Variants in EVA1A observed in about 807,000 individuals in gnomAD.
EVA1A encodes the protein eva-1 homolog A, regulator of programmed cell death, also known as protein eva-1 homolog A.
In EVA1A, 7 loss-of-function variants were observed where a neutral mutation model predicts 9.8. The ratio of observed to expected loss-of-function variants is 0.71; its 90% CI spans 0.41 to 1.34. EVA1A has a LOEUF of 1.34. EVA1A is among the 40% of genes most tolerant of loss of function. EVA1A has a pLI of 0.01. For synonymous variants in EVA1A, 90 were observed against 85.6 expected, an observed-to-expected ratio of 1.05 and a Z score of -0.28; for missense variants, 206 against 205.9, an observed-to-expected ratio of 1.00 and a Z score of 0.00.
chr2:75,549,016 T>A (rs1405549699), intron 1 of EVA1A, among the ~76,000 whole-genome samples: 31 of 145,934 alleles, frequency 2.1e-4, no homozygotes, highest in Middle Eastern at 3.6e-3. Context: ...ATATTTTTTT[T>A]TTTTTTACTA....
chr2:75,547,470 T>C (rs568630941), intron 1 of EVA1A, among the ~76,000 whole-genome samples: 40 of 152,334 alleles, frequency 2.6e-4, no homozygotes, highest in African/African-American at 9.1e-4. Context: ...AACAAGGAGA[T>C]AATCTATGTA....
chr2:75,520,621 G>A (rs1675200007), intron 2 of EVA1A, among the ~76,000 whole-genome samples: 2 of 152,164 alleles, frequency 1.3e-5, no homozygotes, highest in African/African-American at 2.4e-5. Context: ...AGCAAACGGT[G>A]TTGGAAAAAC....
chr2:75,527,674 T>G (rs1406253415), intron 1 of EVA1A, among the ~76,000 whole-genome samples: 1 of 151,890 alleles, frequency 6.6e-6, no homozygotes, highest in African/African-American at 2.4e-5. Context: ...TTAAAACAAA[T>G]AAAGAAATTA....
chr2:75,502,106 A>G (rs1287008515), intron 3 of EVA1A, among the ~76,000 whole-genome samples: 3 of 152,210 alleles, frequency 2.0e-5, no homozygotes, highest in Admixed American at 6.5e-5. Flanking sequence ...TTGTGTTAGT[A>G]GAAGTGTGTA....
intron 1 of EVA1A, among the ~76,000 whole-genome samples, chr2:75,559,396 A>C (rs1181188428): frequency 6.6e-6 from 1 of 152,234 alleles, no homozygotes; most frequent in African/African-American, 2.4e-5. Context: ...AGAAAGGTAC[A>C]GGAAGGCCCC....
chr2:75,518,712 G>A (rs1396915436), intron 2 of EVA1A: 71 of 986,692 alleles, frequency 7.2e-5, no homozygotes, highest in South Asian at 9.4e-5. Context: ...TCAAATCATC[G>A]TCACATTCAT....
At chr2:75,495,962 A>G (rs1203872500) in intron 3 of EVA1A, among the ~76,000 whole-genome samples, 1 of 152,164 alleles carries the variant, frequency 6.6e-6, no homozygotes, top group Non-Finnish European at 1.5e-5. Context: ...AGGCCACATG[A>G]CAAGGTAGAA....
At chr2:75,537,623 T>C (rs1018673997) in intron 1 of EVA1A, among the ~76,000 whole-genome samples, 5 of 152,184 alleles carry the variant, frequency 3.3e-5, no homozygotes, top group African/African-American at 1.2e-4. Context: ...CCAAATCTCA[T>C]GTTAAAATGT....
At chr2:75,509,439 A>C (rs1674734945) in intron 3 of EVA1A, among the ~76,000 whole-genome samples, 1 of 152,098 alleles carries the variant, frequency 6.6e-6, no homozygotes, top group Non-Finnish European at 1.5e-5. Context: ...ATGTTATTAA[A>C]ATTTTTTATT....
intron 1 of EVA1A, chr2:75,541,015 A>G (rs1052874950): frequency 8.5e-5 from 13 of 152,160 alleles, no homozygotes; most frequent in Non-Finnish European, 1.9e-4. Flanking sequence ...TGTGTTGTAT[A>G]CCTGCTGGAC....
At chr2:75,550,007 T>A (rs578223153) in intron 1 of EVA1A, among the ~76,000 whole-genome samples, 1 of 152,326 alleles carries the variant, frequency 6.6e-6, no homozygotes, top group Non-Finnish European at 1.5e-5. Context: ...TTTAACCCTC[T>A]ATGGTATCTG....
intron 1 of EVA1A, among the ~76,000 whole-genome samples, chr2:75,543,596 G>C (rs564565610): frequency 1.3e-5 from 2 of 152,262 alleles, no homozygotes; most frequent in African/African-American, 4.8e-5. Context: ...CAAGGAGCTG[G>C]GGGGAGAGAA....
At chr2:75,562,709 C>A (rs1315327502), upstream of EVA1A, among the ~76,000 whole-genome samples, 3 of 152,194 alleles carry the variant, frequency 2.0e-5, no homozygotes, top group East Asian at 5.8e-4. Context: ...CAGAGCTCCC[C>A]CTAACTCTCC....
chr2:75,519,761 T>C (rs536705127), intron 2 of EVA1A, among the ~76,000 whole-genome samples: 145 of 152,290 alleles, frequency 9.5e-4, no homozygotes, highest in Non-Finnish European at 1.3e-3. Context: ...AGAGTGAAGC[T>C]ACTGGAATAT....
chr2:75,542,066 G>A (rs1233934114), intron 1 of EVA1A: 2 of 152,240 alleles, frequency 1.3e-5, no homozygotes, highest in Non-Finnish European at 2.9e-5. Flanking sequence ...GATAGTGAAT[G>A]GGTCTCACGA....
Position 75,493,254 on chromosome 2 carries a change from G to C in EVA1A, c.441C>G (p.Ser147Arg). Residue 147 changes from serine (S) to arginine (R), a missense_variant, in exon 4 of 4, where the codon AGC becomes AGG. Transcript: ENST00000393913. ...CTGCTCCCTAATAGTAGCGATTCAG[G>C]CTCCTGGTCCCGGGCACCTCAGGCT... ...NGQPEVPGTR[S>R]LNRYY 6.2e-7 allele frequency: 1 copy of C among 1,612,882 alleles called. No homozygotes were observed. Among genetic ancestry groups the C allele is most frequent in the South Asian group, 1.1e-5 (1 of 90,992 alleles).
intron 3 of EVA1A, among the ~76,000 whole-genome samples, chr2:75,500,959 T>A (rs1674395139): frequency 1.3e-5 from 2 of 152,026 alleles, no homozygotes; most frequent in Non-Finnish European, 2.9e-5. Flanking sequence ...TTCAATTAAT[T>A]TTGCACATGG....
At chr2:75,551,356 C>G (rs947858812) in intron 1 of EVA1A, among the ~76,000 whole-genome samples, 2 of 152,180 alleles carry the variant, frequency 1.3e-5, no homozygotes, top group African/African-American at 4.8e-5. Flanking sequence ...CTCCTCTCAC[C>G]AAGTCGTCAA....
In EVA1A at chr2:75,559,628, T is replaced by C. The variant is rs145042697; in HGVS notation, c.-192+1052A>G. On this transcript the variant is annotated intron_variant, in intron 1 of 3. Coordinates refer to ENST00000393913, the MANE Select transcript of EVA1A (RefSeq NM_001135032.2). ...ACAGTAGATAATAAGTAGTTTGGGT[T>C]TGAATATAATCAAGGTATATTAGGT... Among the ~76,000 whole-genome samples, 14 of 141,374 alleles carry C rather than the reference T, an allele frequency of 9.9e-5. No homozygotes were observed. In the East Asian group the frequency reaches 3.0e-3, roughly 30 times the overall value. 92.7% of individuals were successfully genotyped at this position (141,374 alleles called of 152,430 possible).
Sources: allele counts gnomAD v4.1 joint callset (sites outside exome capture counted in the v4.1 genomes callset), GRCh38; gene constraint gnomAD v4.1.1; transcripts MANE v1.5; gene names NCBI Gene and HGNC (gene_info 2026-07-23, HGNC 2026-07-21).